The following FAM120C variants were observed in gnomAD, a reference collection of about 807,000 sequenced individuals.
FAM120C encodes constitutive coactivator of PPAR-gamma-like protein 2.
FAM120C carries 14 observed loss-of-function variants against 71.2 expected under a neutral mutation model. The observed-to-expected ratio is 0.20, with a 90% CI of 0.13 to 0.31. The LOEUF is 0.31. Ranked by LOEUF, FAM120C falls within the 10% of genes least tolerant of loss-of-function variation. The pLI, the probability that FAM120C is intolerant of heterozygous loss-of-function variation, is 1.00. For missense variants in FAM120C, 500 were observed against 879.0 expected, an observed-to-expected ratio of 0.57 and a Z score of 5.45; for synonymous variants, 354 against 353.2, an observed-to-expected ratio of 1.00 and a Z score of -0.03.
chrX:54,078,843 T>A (rs1194996822), intron 15 of FAM120C, among the ~76,000 whole-genome samples: 1 of 110,187 alleles, frequency 9.1e-6, no homozygotes, highest in East Asian at 2.8e-4. Flanking sequence ...CAGTGGGAAC[T>A]GTGATATAAT....
intron 15 of FAM120C, among the ~76,000 whole-genome samples, chrX:54,079,234 C>G (rs1488771412): frequency 9.8e-6 from 1 of 102,301 alleles, no homozygotes; most frequent in Non-Finnish European, 2.0e-5. Context: ...TGCACTCCAG[C>G]CTGGACAGCA....
At chrX:54,128,973 A>C (rs1213649493) in intron 9 of FAM120C, among the ~76,000 whole-genome samples, 7 of 110,228 alleles carry the variant, frequency 6.4e-5, no homozygotes, top group African/African-American at 2.3e-4. Context: ...GCCCGTTCTC[A>C]ATGAGCTGTT....
chrX:54,173,124 T>C (rs1452282391), intron 1 of FAM120C, among the ~76,000 whole-genome samples: 3 of 112,967 alleles, frequency 2.7e-5, no homozygotes, highest in Non-Finnish European at 5.6e-5. Context: ...GGCAGTTTTT[T>C]CATTTAATAC....
intron 1 of FAM120C, among the ~76,000 whole-genome samples, chrX:54,172,114 CATTTGTGAAGGT>C (rs1435453964): frequency 8.9e-6 from 1 of 112,518 alleles, no homozygotes; most frequent in Non-Finnish European, 1.9e-5. Context: ...TACAACCATA[CATTTGTGAAGGT>C]ATTTCTGAAC....
chrX:54,076,607 T>C (rs1046374784), intron 15 of FAM120C, among the ~76,000 whole-genome samples: 1 of 111,414 alleles, frequency 9.0e-6, no homozygotes, highest in Non-Finnish European at 1.9e-5. Context: ...GAGCAGATAA[T>C]AGTGTCCGCA....
At chrX:54,077,451 G>A (rs1557120785) in intron 15 of FAM120C, among the ~76,000 whole-genome samples, 1 of 110,907 alleles carries the variant, frequency 9.0e-6, no homozygotes, top group African/African-American at 3.3e-5. Flanking sequence ...CGGCACTTTG[G>A]GAGACCCAGC....
chrX:54,146,907 G>C (rs958687194), intron 4 of FAM120C, among the ~76,000 whole-genome samples: 1 of 109,220 alleles, frequency 9.2e-6, no homozygotes, highest in African/African-American at 3.3e-5. Context: ...TCAACAAACT[G>C]TGCTGAAACA....
intron 11 of FAM120C, among the ~76,000 whole-genome samples, chrX:54,088,591 C>CAAA (rs1230524883): frequency 3.7e-3 from 118 of 31,683 alleles, no homozygotes; most frequent in South Asian, 5.4e-3. Flanking sequence ...GACTCCATCT[C>CAAA]AAAAAAAAAA....
intron 1 of FAM120C, 49 bp downstream of exon 1, chrX:54,182,451 G>C (rs1557137493): frequency 1.8e-6 from 2 of 1,141,256 alleles, no homozygotes; most frequent in Admixed American, 2.5e-5. Flanking sequence ...ATTTAGTTGG[G>C]AGGGAATAGG....
At chrX:54,162,072 G>A (rs1045141365) in intron 1 of FAM120C, among the ~76,000 whole-genome samples, 1 of 112,443 alleles carries the variant, frequency 8.9e-6, no homozygotes, top group Non-Finnish European at 1.9e-5. Flanking sequence ...GCCTAGAGGG[G>A]ATAAATGACT....
chrX:54,075,672 G>A (rs904934955), intron 15 of FAM120C, among the ~76,000 whole-genome samples: 23 of 108,636 alleles, frequency 2.1e-4, no homozygotes, highest in African/African-American at 7.1e-4. Flanking sequence ...GGTAGCGGGC[G>A]CCTGTAATCC....
intron 10 of FAM120C, among the ~76,000 whole-genome samples, chrX:54,091,811 G>A (rs2066825696): frequency 9.0e-6 from 1 of 111,678 alleles, no homozygotes; most frequent in African/African-American, 3.3e-5. Flanking sequence ...CAGGTTGAGC[G>A]AAGAGTATGA....
intron 10 of FAM120C, among the ~76,000 whole-genome samples, chrX:54,095,817 T>C (rs782442562): frequency 5.5e-5 from 6 of 109,521 alleles, no homozygotes; most frequent in Non-Finnish European, 9.5e-5. Context: ...CCACCATGCC[T>C]GGCTTATTTT....
intron 1 of FAM120C, among the ~76,000 whole-genome samples, chrX:54,168,346 G>C (rs2067270954): frequency 9.0e-6 from 1 of 110,671 alleles, no homozygotes; most frequent in South Asian, 3.9e-4. Flanking sequence ...TGTTGCCCAG[G>C]CTGGTCTCAA....
Position 54,159,305 on chromosome X carries a change from C to T in FAM120C, c.946+65G>A, listed in dbSNP as rs950853071. ...TGATGACAGGCTAAATCACTCTAGT[C>T]CTCATCTCTTAACACCAGAAGAGGA... On this transcript the variant is annotated intron_variant, in intron 2 of 15. Transcript: ENST00000375180. The T allele has an allele frequency of 5.0e-5, 58 of 1,171,666 alleles. No homozygotes were observed. In the Admixed American group the frequency reaches 1.3e-3, roughly 25 times the overall value.
chrX:54,163,256 A>G (rs1262119505), intron 1 of FAM120C, among the ~76,000 whole-genome samples: 1 of 112,451 alleles, frequency 8.9e-6, no homozygotes, highest in Non-Finnish European at 1.9e-5. Flanking sequence ...AATAGCCCAA[A>G]AGTGGAAATA....
chrX:54,148,170 C>G (rs782116100), intron 4 of FAM120C, among the ~76,000 whole-genome samples: 8 of 111,063 alleles, frequency 7.2e-5, no homozygotes, highest in Non-Finnish European at 1.5e-4. Context: ...AAAGAAAAGA[C>G]AACTACAGAC....
At chrX:54,103,219 T>C (rs1213611584) in intron 10 of FAM120C, among the ~76,000 whole-genome samples, 1 of 111,767 alleles carries the variant, frequency 8.9e-6, no homozygotes, top group Non-Finnish European at 1.9e-5. Flanking sequence ...TGTTTACTTA[T>C]ATCTTTTATG....
At position 54,159,538 on chromosome X, in the gene FAM120C, G is replaced by A; in HGVS notation, c.778C>T (p.His260Tyr). ...RENGFHGLLA[H>Y]DSEYALYNIP... ...TTGTAGAGAGCATACTCGGAGTCAT[G>A]GGCAAGAAGGCCATGGAAGCCATTT... The change falls in exon 2 of 16, where the codon CAT becomes TAT. Residue 260 changes from histidine to tyrosine, a missense_variant. By Grantham distance (83) the His-to-Tyr change is moderately conservative. Transcript: ENST00000375180. 2 of 1,210,580 alleles carry A rather than the reference G, an allele frequency of 1.7e-6. No homozygotes were observed. Among genetic ancestry groups the A allele is most frequent in the Non-Finnish European group, 2.2e-6 (2 of 894,912 alleles).
Sources: allele counts gnomAD v4.1 joint callset (sites outside exome capture counted in the v4.1 genomes callset), GRCh38; gene constraint gnomAD v4.1.1; transcripts MANE v1.5; gene names NCBI Gene and HGNC (gene_info 2026-07-23, HGNC 2026-07-21).